Variants in LAMA1 observed in about 807,000 individuals in gnomAD.
The protein encoded by LAMA1 is laminin subunit alpha-1.
Under a neutral mutation model 348.7 loss-of-function variants are expected in LAMA1, and 219 were observed. The observed-to-expected ratio is 0.63, with a 90% CI of 0.56 to 0.70. LAMA1 has a LOEUF of 0.70. Ranked by LOEUF, LAMA1 falls within the 30% of genes least tolerant of loss-of-function variation. The pLI, the probability that LAMA1 is intolerant of heterozygous loss-of-function variation, is 0.00. For missense variants in LAMA1, 3,744 were observed against 3,888.0 expected (o/e 0.96, Z 0.99); for synonymous variants, 1,487 against 1,491.0 (o/e 1.00, Z 0.06).
At chr18:6,947,023 A>C (rs531431411) in intron 61 of LAMA1, 140 bp downstream of exon 61, 11 of 1,104,222 alleles carry the variant, frequency 1.0e-5, no homozygotes, top group African/African-American at 1.6e-5. Flanking sequence ...TCTTGTAGCA[A>C]TATCTGTTTT....
intron 3 of LAMA1, among the ~76,000 whole-genome samples, chr18:7,055,883 C>A (rs2058079730): frequency 6.6e-6 from 1 of 151,900 alleles, no homozygotes; most frequent in Non-Finnish European, 1.5e-5. Context: ...AGATCGAGAC[C>A]ATCCTGGCTA....
rs778230261 is a variant in LAMA1 at position 7,033,000 on chromosome 18, G to C, written c.2147C>G (p.Thr716Arg). The change falls in exon 15 of 63, where the codon ACA (threonine) becomes AGA (arginine). Residue 716 changes from threonine to arginine, a missense_variant. Around this residue, in one of 3 missense-constraint regions of LAMA1, gnomAD observed 1,529 missense variants for 1,689.4 expected, o/e 0.91. Transcript: ENST00000389658. ...VEHCECPQGY[T>R]GTSCESCLSG... ...AAGCGTCACCTCACAGGAGGTCCCT[G>C]TGTAGCCTTGCGGACATTCACAGTG... The C allele has an allele frequency of 6.2e-7, 1 of 1,610,052 alleles. No homozygotes were observed. The highest frequency in any genetic ancestry group is 1.1e-5 in the South Asian group (1 of 90,102).
intron 16 of LAMA1, among the ~76,000 whole-genome samples, chr18:7,027,711 G>T (rs1369359601): frequency 2.0e-5 from 3 of 152,168 alleles, no homozygotes; most frequent in Admixed American, 2.0e-4. Flanking sequence ...GGTAGGCCAA[G>T]GCGGGTGGAC....
At chr18:7,083,467 T>G (rs938419129) in intron 1 of LAMA1, among the ~76,000 whole-genome samples, 20 of 152,020 alleles carry the variant, frequency 1.3e-4, no homozygotes, top group African/African-American at 4.6e-4. Context: ...ATTACAGGCT[T>G]GAGCCACCGC....
At chr18:7,097,450 T>C (rs2058266389) in intron 1 of LAMA1, among the ~76,000 whole-genome samples, 1 of 151,542 alleles carries the variant, frequency 6.6e-6, no homozygotes, top group Non-Finnish European at 1.5e-5. Flanking sequence ...GCAATTCTCC[T>C]TAAATTGATC....
At chr18:7,094,522 A>T (rs536978631) in intron 1 of LAMA1, among the ~76,000 whole-genome samples, 4 of 151,470 alleles carry the variant, frequency 2.6e-5, no homozygotes, top group Non-Finnish European at 4.4e-5. Flanking sequence ...CAAACTTGGC[A>T]CAAGATCATC....
intron 44 of LAMA1, among the ~76,000 whole-genome samples, chr18:6,977,110 C>T (rs762244993): frequency 6.6e-6 from 1 of 152,190 alleles, no homozygotes; most frequent in Non-Finnish European, 1.5e-5. Flanking sequence ...AATCACATGA[C>T]GACTGCACAT....
chr18:7,015,892 G>A (rs1449291113), intron 21 of LAMA1, 34 bp from the exon 22 acceptor site: 2 of 1,613,530 alleles, frequency 1.2e-6, no homozygotes, highest in Admixed American at 3.3e-5. Context: ...TTACAGATCT[G>A]GGTGATGTCA....
chr18:7,062,946 C>A (rs942396480), intron 3 of LAMA1, among the ~76,000 whole-genome samples: 3 of 152,148 alleles, frequency 2.0e-5, no homozygotes, highest in Admixed American at 6.5e-5. Flanking sequence ...AGAAAACACA[C>A]GAGCATCACA....
intron 11 of LAMA1, 57 bp downstream of exon 11, chr18:7,038,753 A>C (rs1459924590): frequency 4.4e-6 from 7 of 1,608,298 alleles, no homozygotes; most frequent in Non-Finnish European, 5.9e-6. Flanking sequence ...AGCTCGTGCC[A>C]AGCTTGTGCA....
chr18:7,109,397 G>A (rs754295169), intron 1 of LAMA1, among the ~76,000 whole-genome samples: 4 of 152,208 alleles, frequency 2.6e-5, no homozygotes, highest in Non-Finnish European at 5.9e-5. Flanking sequence ...TTTGACACTG[G>A]CTCATGTCAT....
intron 1 of LAMA1, among the ~76,000 whole-genome samples, chr18:7,100,894 C>T (rs553645039): frequency 2.6e-5 from 4 of 152,188 alleles, no homozygotes; most frequent in Middle Eastern, 3.4e-3. Context: ...CCTGTAATCC[C>T]AGCTACTCGG....
intron 1 of LAMA1, among the ~76,000 whole-genome samples, chr18:7,099,037 C>T (rs11081301): frequency 0.25 from 38,145 of 150,866 alleles, 5,129 homozygotes; most frequent in South Asian, 0.33. Flanking sequence ...GGGGGAAAGG[C>T]GGGGAAAAGA....
intron 9 of LAMA1, among the ~76,000 whole-genome samples, chr18:7,041,835 A>C (rs2058021755): frequency 1.3e-5 from 2 of 152,068 alleles, no homozygotes; most frequent in African/African-American, 4.8e-5. Context: ...TCATTACCCC[A>C]TCTCCCTCCA....
chr18:7,115,824 A>AAACAAAAC (rs2058353839), intron 1 of LAMA1, among the ~76,000 whole-genome samples: 2 of 149,382 alleles, frequency 1.3e-5, no homozygotes, highest in South Asian at 2.2e-4. Context: ...CAAAAAAAAA[A>AAACAAAAC]AAAAAAAAAT....
chr18:7,028,299 A>C (rs925110681), intron 16 of LAMA1, among the ~76,000 whole-genome samples: 1 of 152,230 alleles, frequency 6.6e-6, no homozygotes, highest in African/African-American at 2.4e-5. Flanking sequence ...AAATTCTAGA[A>C]GCTCAATAAA....
rs569509093 is a variant in LAMA1, at chr18:6,942,471, T to C, written c.9068-232A>G. ...CTCTGCCACCTAGGCTGGAGTGCAG[T>C]GGCGCGATCTCGGCTCACTGCAACC... On this transcript the variant is annotated intron_variant, in intron 62 of 62. Transcript: ENST00000389658. 4.8e-3 allele frequency among the ~76,000 whole-genome samples: 725 copies of C among 152,072 alleles called. 7 individuals carry two copies. Among genetic ancestry groups the C allele is most frequent in the African/African-American group, 0.017 (691 of 41,406 alleles).
At chr18:6,991,309 TAA>T (rs67148605) in intron 36 of LAMA1, among the ~76,000 whole-genome samples, 1 of 147,310 alleles carries the variant, frequency 6.8e-6, no homozygotes, top group Admixed American at 6.8e-5. Context: ...TTAAAAAATA[TAA>T]AAAAAAAATT....
intron 61 of LAMA1, among the ~76,000 whole-genome samples, chr18:6,944,309 C>A (rs1444508035): frequency 6.6e-6 from 1 of 152,184 alleles, no homozygotes; most frequent in Admixed American, 6.5e-5. Flanking sequence ...AGCCACCGCA[C>A]CTGGCCCGGT....
Sources: gnomAD v4.1 joint callset for allele counts (sites outside exome capture counted in the v4.1 genomes callset) on GRCh38, gnomAD v4.1.1 for gene constraint, gnomAD v4.1.1 regional missense constraint, MANE v1.5 for transcripts, NCBI Gene and HGNC (gene_info 2026-07-23, HGNC 2026-07-21) for gene names.